The following VWA8 variants were observed in gnomAD, a reference collection of about 807,000 sequenced individuals.
VWA8 encodes the protein von Willebrand factor A domain-containing protein 8.
VWA8 carries 221 observed loss-of-function variants against 241.5 expected under a neutral mutation model. The observed-to-expected ratio is 0.91, with a 90% CI of 0.82 to 1.02. The LOEUF is 1.02. Among genes scored for constraint, VWA8 ranks in the 50% least tolerant of loss-of-function variants. The pLI is 0.00. For missense variants in VWA8, 2,322 were observed against 2,328.7 expected (o/e 1.00, Z 0.06); for synonymous variants, 852 against 827.1 (o/e 1.03, Z -0.52).
At chr13:41,942,645 G>A (rs1363342742) in intron 2 of VWA8, among the ~76,000 whole-genome samples, 1 of 152,094 alleles carries the variant, frequency 6.6e-6, no homozygotes, top group Non-Finnish European at 1.5e-5. Context: ...AGTACACAGG[G>A]ATGTACACTA....
chr13:41,869,611 A>G (rs1269694914), intron 9 of VWA8, among the ~76,000 whole-genome samples: 1 of 142,708 alleles, frequency 7.0e-6, no homozygotes, highest in Non-Finnish European at 1.5e-5. Context: ...AGCCTGGGCA[A>G]CAGAGCGAAA....
intron 22 of VWA8, 65 bp from the exon 23 acceptor site, chr13:41,729,742 C>T: frequency 6.5e-7 from 1 of 1,536,724 alleles, no homozygotes; most frequent in Non-Finnish European, 8.8e-7. Context: ...AACTTCATTA[C>T]TTACTGCTTT....
chr13:41,614,194 T>G (rs761672458), intron 38 of VWA8, among the ~76,000 whole-genome samples: 38 of 152,212 alleles, frequency 2.5e-4, no homozygotes, highest in Non-Finnish European at 5.9e-5. Context: ...TAGCACATTG[T>G]CTAAGCAGAG....
intron 21 of VWA8, among the ~76,000 whole-genome samples, chr13:41,741,700 T>C (rs1457936383): frequency 1.3e-5 from 2 of 152,218 alleles, no homozygotes; most frequent in Admixed American, 6.5e-5. Context: ...ATACTAATTA[T>C]AAAACGAATT....
chr13:41,705,116 G>A (rs533017469), intron 26 of VWA8, among the ~76,000 whole-genome samples: 6 of 152,244 alleles, frequency 3.9e-5, no homozygotes, highest in East Asian at 1.9e-4. Context: ...CAAGAGGAAC[G>A]AAATTAAAAA....
At chr13:41,731,371 T>C (rs149112207) in intron 22 of VWA8, among the ~76,000 whole-genome samples, 59 of 152,238 alleles carry the variant, frequency 3.9e-4, no homozygotes, top group African/African-American at 1.4e-3. Flanking sequence ...TTTTATTAAT[T>C]AGAACCATTT....
intron 17 of VWA8, among the ~76,000 whole-genome samples, chr13:41,798,839 CT>C (rs1265600622): frequency 2.0e-5 from 3 of 152,274 alleles, no homozygotes; most frequent in Non-Finnish European, 4.4e-5. Context: ...TATCTCTTCA[CT>C]TTGCTGTGCT....
chr13:41,738,908 T>C (rs2045545782), intron 21 of VWA8, among the ~76,000 whole-genome samples: 1 of 152,180 alleles, frequency 6.6e-6, no homozygotes, highest in Non-Finnish European at 1.5e-5. Context: ...TGATGAACAC[T>C]GTATCCACTG....
chr13:41,831,570 A>G lies in VWA8; in HGVS notation c.1587-928T>C, dbSNP rs535889328. On this transcript the variant is annotated intron_variant, in intron 13 of 44. Transcript: ENST00000379310. ...TGCCAATGTTCAGACCTTGGCCTAG[A>G]CCAATTATATCAGAAAATTCTGATG... is the stretch of plus-strand genomic sequence containing the variant. 1.2e-3 allele frequency among the ~76,000 whole-genome samples: 176 copies of G among 151,412 alleles called. 1 individual carries two copies. Among genetic ancestry groups the G allele is most frequent in the South Asian group, 7.5e-3 (36 of 4,790 alleles).
intron 14 of VWA8, among the ~76,000 whole-genome samples, chr13:41,825,950 TTGC>T (rs1428769319): frequency 6.6e-6 from 1 of 152,190 alleles, no homozygotes; most frequent in Non-Finnish European, 1.5e-5. Flanking sequence ...CAGTACAAAT[TTGC>T]TGCTTTTACA....
chr13:41,623,188 C>T (rs1188760184), intron 37 of VWA8, among the ~76,000 whole-genome samples: 1 of 152,130 alleles, frequency 6.6e-6, no homozygotes, highest in Non-Finnish European at 1.5e-5. Context: ...CACACACATA[C>T]ACATACACCC....
chr13:41,748,368 T>G (rs1266938993), intron 21 of VWA8, among the ~76,000 whole-genome samples: 1 of 152,190 alleles, frequency 6.6e-6, no homozygotes, highest in Non-Finnish European at 1.5e-5. Flanking sequence ...TCTTCTAGAT[T>G]TTCTAGTTTA....
intron 1 of VWA8, 117 bp downstream of exon 1, chr13:41,960,736 C>G (rs995232728): frequency 1.5e-6 from 2 of 1,356,884 alleles, no homozygotes; most frequent in Admixed American, 3.3e-5. Flanking sequence ...CAGCTCCCCG[C>G]TCGGCAAACG....
intron 20 of VWA8, among the ~76,000 whole-genome samples, chr13:41,774,358 G>A (rs1418869723): frequency 6.6e-6 from 1 of 152,166 alleles, no homozygotes; most frequent in Non-Finnish European, 1.5e-5. Flanking sequence ...GGCCAGGCTG[G>A]TCTCAAACTC....
chr13:41,701,406 A>G lies in VWA8; in HGVS notation c.3350T>C (p.Ile1117Thr), dbSNP rs374224916. ...AGCAGACATACCATGTGATGTAGCA[A>G]TGTCACAGATTATATTAATTTCATC... ...PLDEINIICD[I>T]ATSHENEQNT... is the part of the protein sequence containing the mutation. Residue 1117 changes from isoleucine to threonine, a missense_variant, in exon 28 of 45, where the codon ATT becomes ACT. Physicochemically the swap from Ile to Thr is moderately conservative, Grantham distance 89. Transcript: ENST00000379310. The G allele has an allele frequency of 6.2e-7, 1 of 1,603,856 alleles. No homozygotes were observed. The highest frequency in any genetic ancestry group is 8.5e-7 in the Non-Finnish European group (1 of 1,176,666).
intron 35 of VWA8, among the ~76,000 whole-genome samples, chr13:41,678,626 G>A (rs1469008493): frequency 6.6e-6 from 1 of 152,204 alleles, no homozygotes; most frequent in Admixed American, 6.5e-5. Flanking sequence ...TTGAGCTACT[G>A]CCATCAGCAC....
chr13:41,614,141 G>C, intron 38 of VWA8, among the ~76,000 whole-genome samples: 1 of 152,226 alleles, frequency 6.6e-6, no homozygotes, highest in East Asian at 1.9e-4. Flanking sequence ...GCTGATGCTT[G>C]ATGAATAAAC....
intron 39 of VWA8, among the ~76,000 whole-genome samples, chr13:41,606,243 A>T (rs1309288594): frequency 1.3e-5 from 2 of 152,100 alleles, no homozygotes; most frequent in Non-Finnish European, 2.9e-5. Context: ...AGTCTTTCTC[A>T]TCTTTATCTT....
intron 2 of VWA8, among the ~76,000 whole-genome samples, chr13:41,938,512 G>A (rs957888012): frequency 2.6e-5 from 4 of 151,914 alleles, no homozygotes; most frequent in South Asian, 2.1e-4. Flanking sequence ...TTAGCCAGGC[G>A]TAGTGGCACG....
Sources: allele counts gnomAD v4.1 joint callset (sites outside exome capture counted in the v4.1 genomes callset), GRCh38; gene constraint gnomAD v4.1.1; transcripts MANE v1.5; gene names NCBI Gene and HGNC (gene_info 2026-07-23, HGNC 2026-07-21).